AAAS: variants seen among roughly 807,000 people sequenced by gnomAD.
AAAS encodes aladin.
Under a neutral mutation model 75.6 loss-of-function variants are expected in AAAS, and 60 were observed. The ratio of observed to expected loss-of-function variants is 0.79; its 90% CI spans 0.64 to 0.98. AAAS has a LOEUF of 0.98. Ranked by LOEUF, AAAS falls within the 50% of genes least tolerant of loss-of-function variation. AAAS has a pLI of 0.00. For synonymous variants in AAAS, 271 were observed against 265.0 expected, an observed-to-expected ratio of 1.02 and a Z score of -0.22; for missense variants, 658 against 686.9, an observed-to-expected ratio of 0.96 and a Z score of 0.47.
At chr12:53,318,639 C>G (rs1944504350) in intron 2 of AAAS, among the ~76,000 whole-genome samples, 3 of 152,130 alleles carry the variant, frequency 2.0e-5, no homozygotes, top group Admixed American at 1.3e-4. Flanking sequence ...ATACTCAAAC[C>G]ACTTTTTCCT....
At chr12:53,308,856 A>G in intron 10 of AAAS, 41 bp from the exon 11 acceptor site, 1 of 1,613,394 alleles carries the variant, frequency 6.2e-7, no homozygotes, top group African/African-American at 1.3e-5. Context: ...GTATGTCTAT[A>G]GTAGAATGCA....
At chr12:53,308,649 C>T in intron 11 of AAAS, 76 bp downstream of exon 11, 1 of 1,598,828 alleles carries the variant, frequency 6.3e-7, no homozygotes, top group South Asian at 1.1e-5. Context: ...TCCCTTTATC[C>T]CTCAGAGCTG....
Position 53,314,746 on chromosome 12 carries a change from C to CACCTGCTGGCATTATACACACGG in AAAS, c.545+4_545+5insCCGTGTGTATAATGCCAGCAGGT. On this transcript the variant is annotated splice_donor_region_variant and intron_variant, in intron 6 of 15. Transcript: ENST00000209873. ...TCAGAGCCCACCTGGTGTCCCCACACACACCTGCTGGCATTATACACACGG... is the reference window on the plus strand; with the variant it reads ...TCAGAGCCCACCTGGTGTCCCCACACACCTGCTGGCATTATACACACGGACACCTGCTGGCATTATACACACGG... 1.2e-6 allele frequency: 2 copies of CACCTGCTGGCATTATACACACGG among 1,612,640 alleles called. No individual in the cohort carries two copies. Among genetic ancestry groups the CACCTGCTGGCATTATACACACGG allele is most frequent in the Non-Finnish European group, 1.7e-6 (2 of 1,179,496 alleles).
rs1944330286 is a variant in AAAS at position 53,308,428 on chromosome 12, A to G, written c.1181+7T>C. On this transcript the variant is annotated splice_region_variant and intron_variant, in intron 12 of 15. Coordinates refer to ENST00000209873, the MANE Select transcript of AAAS (RefSeq NM_015665.6). ...TTCACTGCCACTCCCTCAACCACTC[A>G]GCTCACCTCTCCTCACCATCTGGTG... The G allele has an allele frequency of 3.7e-6, 6 of 1,613,990 alleles. No homozygotes were observed. The highest frequency in any genetic ancestry group is 5.1e-6 in the Non-Finnish European group (6 of 1,180,006).
Position 53,314,832 on chromosome 12 carries a change from C to G in AAAS, c.464G>C (p.Arg155Pro), listed in dbSNP as rs758440592. ...GGTGTGGGGGTGCCATGCAAAGACA[C>G]GCAAGCAGCAGCTGGACCTAAGGAA... ...QVTNWSSCCLRVFAWHPHTNK... is the reference protein window; with the variant it reads ...QVTNWSSCCLPVFAWHPHTNK... The change falls in exon 6 of 16, where the codon CGT becomes CCT. Residue 155 changes from arginine to proline, a missense_variant. Coordinates refer to ENST00000209873, the MANE Select transcript of AAAS (RefSeq NM_015665.6). 6.2e-7 allele frequency: 1 copy of G among 1,613,828 alleles called. No homozygotes were observed. Among genetic ancestry groups the G allele is most frequent in the Non-Finnish European group, 8.5e-7 (1 of 1,179,890 alleles).
chr12:53,321,385 C>A lies in AAAS; in HGVS notation c.81G>T (p.Thr27=). ...TLYEHNNELV[T]GSSYESPPPD... is the part of the protein sequence containing the mutation. ...GGGGCGGGCTCTCATAGCTACTGCC[C>A]GTCACCAGCTCGTTATTGTGCTCAT... Residue 27 remains threonine (T), a synonymous_variant, in exon 1 of 16, where the codon ACG becomes ACT. Transcript: ENST00000209873. 1 of 1,614,186 alleles carries A rather than the reference C, an allele frequency of 6.2e-7. No homozygotes were observed. Among genetic ancestry groups the A allele is most frequent in the Non-Finnish European group, 8.5e-7 (1 of 1,180,050 alleles).
chr12:53,311,607 C>T (rs1446603579), intron 7 of AAAS, among the ~76,000 whole-genome samples: 2 of 150,962 alleles, frequency 1.3e-5, no homozygotes, highest in African/African-American at 2.4e-5. Context: ...ATAATGAAAC[C>T]CCATCTCTAA....
At chr12:53,315,509 C>G in intron 3 of AAAS, 83 bp from the exon 4 acceptor site, 2 of 1,344,684 alleles carry the variant, frequency 1.5e-6, no homozygotes, top group Admixed American at 1.9e-5. Flanking sequence ...CAAGGAAGGA[C>G]AGGCACTCCC....
rs372317637 is a variant in AAAS at position 53,319,067 on chromosome 12, T to G, written c.251+1498A>C. 3.3e-5 allele frequency among the ~76,000 whole-genome samples: 5 copies of G among 152,334 alleles called. No individual in the cohort carries two copies. In the South Asian group the frequency reaches 6.2e-4, roughly 19 times the overall value. On this transcript the variant is annotated intron_variant, in intron 2 of 15. Coordinates refer to ENST00000209873, the MANE Select transcript of AAAS (RefSeq NM_015665.6). Reference sequence around the variant, plus strand: ...TACACTGCTGGTGGGACCATATACATGTACCATTTTGACAGAGGGCTATTT... The same window carrying G: ...TACACTGCTGGTGGGACCATATACAGGTACCATTTTGACAGAGGGCTATTT...
chr12:53,308,113 C>A lies in AAAS; in HGVS notation c.1270G>T (p.Gly424Cys), dbSNP rs776982343. The stretch of plus-strand genomic sequence containing the variant: ...CGAAAAAGGAGGATGACTGGTTTAC[C>A]ATCCTGTACCCTTGGCTTTCCTGTA... ...LMKGKPRVQD[G>C]KPVILLFRTR... is the part of the protein sequence containing the mutation. Residue 424 changes from glycine (G) to cysteine (C), a missense_variant, in exon 14 of 16, where the codon GGT (glycine) becomes TGT (cysteine). Physicochemically the swap from Gly to Cys is radical, Grantham distance 159. Transcript: ENST00000209873. The A allele has an allele frequency of 6.2e-7, 1 of 1,614,192 alleles. No homozygotes were observed. Among genetic ancestry groups the A allele is most frequent in the East Asian group, 2.2e-5 (1 of 44,882 alleles).
In AAAS at chr12:53,307,873, G is replaced by C. The variant is rs753933300; in HGVS notation, c.1388C>G (p.Ser463Cys). 6.2e-7 allele frequency: 1 copy of C among 1,614,112 alleles called. No individual in the cohort carries two copies. ...AQPQLITFHP[S>C]FNKGALLSVG... ...ACTGAGCAGGGCCCCTTTGTTGAAG[G>C]AAGGATGGAAAGTGATGAGCTGGGG... Residue 463 changes from serine (S) to cysteine (C), a missense_variant, in exon 15 of 16, where the codon TCC (serine) becomes TGC (cysteine). Ser to Cys is a moderately radical substitution (Grantham distance 112). Transcript: ENST00000209873.
In AAAS at chr12:53,321,324, C is replaced by G; in HGVS notation, c.123+19G>C. 6.2e-7 allele frequency: 1 copy of G among 1,612,250 alleles called. No homozygotes were observed. Among genetic ancestry groups the G allele is most frequent in the Non-Finnish European group, 8.5e-7 (1 of 1,179,688 alleles). On this transcript the variant is annotated intron_variant, in intron 1 of 15. Transcript: ENST00000209873. ...CCGCCCCCATGCCTGTAGGTCCCCT[C>G]CCTCCTCGCCCTGGCCACCTGGCCC... is the stretch of plus-strand genomic sequence containing the variant.
rs1397691606 is a variant in AAAS at position 53,321,505 on chromosome 12, G to C, written c.-40C>G. 1.2e-6 allele frequency: 2 copies of C among 1,612,624 alleles called. No individual in the cohort carries two copies. The highest frequency in any genetic ancestry group is 1.7e-6 in the Non-Finnish European group (2 of 1,179,826). On this transcript the variant is annotated 5_prime_UTR_variant, in exon 1 of 16. Coordinates refer to ENST00000209873, the MANE Select transcript of AAAS (RefSeq NM_015665.6). ...GGACGTCTGCAGTCGGCAAACTCCT[G>C]GCCGGAACGGCACAGACCGCACTCC...
chr12:53,314,559 GCACCATAGGA>G, intron 6 of AAAS, 118 bp from the exon 7 acceptor site: 1 of 1,469,190 alleles, frequency 6.8e-7, no homozygotes, highest in South Asian at 1.2e-5. Context: ...GGGGCCAGGG[GCACCATAGGA>G]CAGGAGGGGA....
At chr12:53,319,200 C>A (rs1433908928) in intron 2 of AAAS, among the ~76,000 whole-genome samples, 1 of 151,448 alleles carries the variant, frequency 6.6e-6, no homozygotes, top group Non-Finnish European at 1.5e-5. Flanking sequence ...ATTAAGTAAC[C>A]CTTTTTTTTT....
Position 53,307,870 on chromosome 12 carries a change from A to G in AAAS, c.1391T>C (p.Phe464Ser). The change falls in exon 15 of 16, where the codon TTC becomes TCC. Residue 464 changes from phenylalanine to serine, a missense_variant. Physicochemically the swap from Phe to Ser is radical, Grantham distance 155. Transcript: ENST00000209873. ...QPQLITFHPS[F>S]NKGALLSVGW... The stretch of plus-strand genomic sequence containing the variant: ...CACACTGAGCAGGGCCCCTTTGTTG[A>G]AGGAAGGATGGAAAGTGATGAGCTG... The G allele has an allele frequency of 1.9e-6, 3 of 1,614,196 alleles. No individual in the cohort carries two copies. The highest frequency in any genetic ancestry group is 2.2e-5 in the East Asian group (1 of 44,884).
At chr12:53,320,818 CA>C in intron 1 of AAAS, 126 bp from the exon 2 acceptor site, 1 of 1,105,328 alleles carries the variant, frequency 9.0e-7, no homozygotes, top group Non-Finnish European at 1.3e-6. Flanking sequence ...CCCATTTCCA[CA>C]AAGCTAACAC....
In AAAS at chr12:53,315,129, T is replaced by A; in HGVS notation, c.411A>T (p.Glu137Asp). ...CTTGGGCAAATTCAGCGATCAGATC[T>A]TCGCTCCTGAGCTGTAAGAACAAGA... ...SLFPHLSLRSEDLIAEFAQVT... is the reference protein window; with the variant it reads ...SLFPHLSLRSDDLIAEFAQVT... Residue 137 changes from glutamate to aspartate, a missense_variant, in exon 5 of 16, where the codon GAA becomes GAT. Glu to Asp is a conservative substitution (Grantham distance 45). Transcript: ENST00000209873. The A allele has an allele frequency of 1.2e-6, 2 of 1,614,144 alleles. No individual in the cohort carries two copies. The highest frequency in any genetic ancestry group is 2.2e-5 in the South Asian group (2 of 91,078).
chr12:53,321,003 G>A (rs991563312), intron 1 of AAAS: 2 of 529,862 alleles, frequency 3.8e-6, no homozygotes, highest in Non-Finnish European at 6.8e-6. Flanking sequence ...GTCCTTCCCA[G>A]GAACACCATG....
Sources: allele counts gnomAD v4.1 joint callset (sites outside exome capture counted in the v4.1 genomes callset), GRCh38; gene constraint gnomAD v4.1.1; transcripts MANE v1.5; gene names NCBI Gene and HGNC (gene_info 2026-07-23, HGNC 2026-07-21).